Variants in NFAT5 observed in about 807,000 individuals in gnomAD.
NFAT5 encodes nuclear factor of activated T cells 5, also known as nuclear factor of activated T-cells 5.
Under a neutral mutation model 166.5 loss-of-function variants are expected in NFAT5, and 31 were observed. The ratio of observed to expected loss-of-function variants is 0.19; its 90% CI spans 0.14 to 0.25. The LOEUF is 0.25. NFAT5 is among the 10% of genes least tolerant of loss of function. The probability of loss-of-function intolerance (pLI) is 1.00; values close to 1 mark genes in which losing one functional copy is unlikely to be tolerated. For missense variants in NFAT5, 1,449 were observed against 1,821.8 expected, an observed-to-expected ratio of 0.80 and a Z score of 3.72; for synonymous variants, 612 against 639.7, an observed-to-expected ratio of 0.96 and a Z score of 0.65.
In NFAT5 at chr16:69,626,397, C is replaced by A; in HGVS notation, c.128-6C>A. The A allele has an allele frequency of 6.4e-7, 1 of 1,557,126 alleles. No individual in the cohort carries two copies. The highest frequency in any genetic ancestry group is 8.6e-7 in the Non-Finnish European group (1 of 1,157,750). Reference sequence around the variant, plus strand: ...TTGTTTTCTCCTCTCTTTCCCCTCCCCACAGAATCTGTCTATGATCTTCTC... The same window carrying A: ...TTGTTTTCTCCTCTCTTTCCCCTCCACACAGAATCTGTCTATGATCTTCTC... On this transcript the variant is annotated splice_polypyrimidine_tract_variant and splice_region_variant and intron_variant, in intron 2 of 14. Coordinates refer to ENST00000349945, the MANE Select transcript of NFAT5 (RefSeq NM_138713.4).
At chr16:69,567,466 C>T (rs1024648421) in intron 1 of NFAT5, among the ~76,000 whole-genome samples, 1 of 151,776 alleles carries the variant, frequency 6.6e-6, no homozygotes, top group Non-Finnish European at 1.5e-5. Context: ...TTCATTTCAC[C>T]GTGTAAAAAA....
At chr16:69,695,409 A>G in intron 14 of NFAT5, 30 bp downstream of exon 14, 1 of 1,460,832 alleles carries the variant, frequency 6.8e-7, no homozygotes, top group Non-Finnish European at 9.6e-7. Flanking sequence ...TTCTTATTGA[A>G]AAGCATCAGA....
intron 2 of NFAT5, among the ~76,000 whole-genome samples, chr16:69,598,443 T>G (rs1276168959): frequency 2.0e-5 from 3 of 151,446 alleles, no homozygotes; most frequent in African/African-American, 4.9e-5. Context: ...ATACATTTTG[T>G]GCCCAGTGCT....
chr16:69,623,149 G>GA (rs756237605), intron 2 of NFAT5, among the ~76,000 whole-genome samples: 1 of 151,174 alleles, frequency 6.6e-6, no homozygotes, highest in Admixed American at 6.6e-5. Context: ...ACATCTCAAA[G>GA]AAAAAAAATG....
In NFAT5 at chr16:69,616,940, CT is replaced by C. The variant is rs61025944; in HGVS notation, c.128-9445del. The stretch of plus-strand genomic sequence containing the variant: ...TTGGACTCCATCTGAGTCCAAAGTT[CT>C]TTTTTTTTTTTTTTTTTCTTTGAGA... On this transcript the variant is annotated intron_variant, in intron 2 of 14. Transcript: ENST00000349945. Among the ~76,000 whole-genome samples the C allele has an allele frequency of 3.2e-3, 421 of 129,892 alleles. 2 individuals are homozygous for C. The highest frequency in any genetic ancestry group is 7.5e-3 in the African/African-American group (263 of 35,132). 85.2% of individuals were successfully genotyped at this position (129,892 alleles called of 152,430 possible).
Position 69,697,144 on chromosome 16 carries a change from A to G in NFAT5, c.*793A>G, listed in dbSNP as rs1313570740. ...TCCTCCTACAGTAGTTTAAATTGAC[A>G]GAAAAATTTGAATGTTTTCTTCTTA... On this transcript the variant is annotated 3_prime_UTR_variant, in exon 15 of 15. Coordinates refer to ENST00000349945, the MANE Select transcript of NFAT5 (RefSeq NM_138713.4). 6.6e-6 allele frequency: 1 copy of G among 152,656 alleles called. No homozygotes were observed. The highest frequency in any genetic ancestry group is 1.5e-5 in the Non-Finnish European group (1 of 68,042). 9.5% of individuals were successfully genotyped at this position (152,656 alleles called of 1,614,324 possible).
At chr16:69,568,821 C>T (rs1158873976) in intron 2 of NFAT5, among the ~76,000 whole-genome samples, 1 of 152,010 alleles carries the variant, frequency 6.6e-6, no homozygotes, top group Non-Finnish European at 1.5e-5. Context: ...AATTCCAGAC[C>T]TTCATTTTAG....
At chr16:69,610,509 CATA>C (rs1440367016) in intron 2 of NFAT5, among the ~76,000 whole-genome samples, 1 of 152,034 alleles carries the variant, frequency 6.6e-6, no homozygotes, top group Non-Finnish European at 1.5e-5. Context: ...ATGTGCCAGG[CATA>C]ATAATATAGT....
intron 3 of NFAT5, among the ~76,000 whole-genome samples, chr16:69,636,383 G>A (rs1170337198): frequency 1.3e-5 from 2 of 152,112 alleles, no homozygotes; most frequent in African/African-American, 4.8e-5. Context: ...GAAGACATTG[G>A]CCCTCTCCTC....
chr16:69,693,012 T>C lies in NFAT5; in HGVS notation c.3187T>C (p.Leu1063=). The part of the protein sequence containing the change: ...NSGTQQQGNG[L]FQQGNEMMSL... ...TGGTACCCAACAACAAGGTAATGGT[T>C]TATTCCAGCAAGGGAATGAGATGAT... The change falls in exon 13 of 15, where the codon TTA becomes CTA. Residue 1063 remains leucine (L), a synonymous_variant. Coordinates refer to ENST00000349945, the MANE Select transcript of NFAT5 (RefSeq NM_138713.4). 1.2e-6 allele frequency: 2 copies of C among 1,614,144 alleles called. No individual in the cohort carries two copies. Among genetic ancestry groups the C allele is most frequent in the South Asian group, 2.2e-5 (2 of 91,088 alleles).
intron 2 of NFAT5, among the ~76,000 whole-genome samples, chr16:69,598,543 CAGT>C (rs1400431694): frequency 1.3e-5 from 2 of 151,812 alleles, no homozygotes; most frequent in East Asian, 3.8e-4. Context: ...TAAAAATAAA[CAGT>C]AGAAGATAAT....
Position 69,619,164 on chromosome 16 carries a change from A to G in NFAT5, c.128-7239A>G, listed in dbSNP as rs189394894. Among the ~76,000 whole-genome samples, 8 of 152,318 alleles carry G rather than the reference A, an allele frequency of 5.3e-5. No individual in the cohort carries two copies. The East Asian group carries it at 1.5e-3, about 29-fold the overall frequency. On this transcript the variant is annotated intron_variant, in intron 2 of 14. Transcript: ENST00000349945. ...TTTGATTTTTACTCTCTGACCCGAA[A>G]GCAGTTGAACACCAAATGCCAGCTC...
chr16:69,604,749 A>AC (rs2033316393), intron 2 of NFAT5, among the ~76,000 whole-genome samples: 1 of 152,138 alleles, frequency 6.6e-6, no homozygotes, highest in South Asian at 2.1e-4. Context: ...CATGAGCCCA[A>AC]CTTATGGCAT....
At chr16:69,581,677 C>T (rs2031701945) in intron 2 of NFAT5, among the ~76,000 whole-genome samples, 1 of 152,116 alleles carries the variant, frequency 6.6e-6, no homozygotes, top group Non-Finnish European at 1.5e-5. Context: ...GAGTAAATGT[C>T]TCTGATGACT....
At chr16:69,610,784 AT>A (rs1467023347) in intron 2 of NFAT5, among the ~76,000 whole-genome samples, 2 of 152,212 alleles carry the variant, frequency 1.3e-5, no homozygotes, top group Non-Finnish European at 2.9e-5. Flanking sequence ...TTTAGATTAG[AT>A]TAATCCCTTA....
chr16:69,697,228 T>C lies in NFAT5; in HGVS notation c.*877T>C, dbSNP rs1276183770. On this transcript the variant is annotated 3_prime_UTR_variant, in exon 15 of 15. Coordinates refer to ENST00000349945, the MANE Select transcript of NFAT5 (RefSeq NM_138713.4). ...ATATCTATATTACTTTTCACCTCTTTTTCACTTTACTTTAGAGAACTATTA... is the reference window on the plus strand; with the variant it reads ...ATATCTATATTACTTTTCACCTCTTCTTCACTTTACTTTAGAGAACTATTA... The C allele has an allele frequency of 6.6e-6, 1 of 152,496 alleles. No homozygotes were observed. Among genetic ancestry groups the C allele is most frequent in the Admixed American group, 6.6e-5 (1 of 15,266 alleles). The allele number at this position is 152,496 out of a possible 1,614,324, so 9.4% of individuals were successfully genotyped here.
At chr16:69,580,385 G>T (rs541383409) in intron 2 of NFAT5, among the ~76,000 whole-genome samples, 16 of 151,976 alleles carry the variant, frequency 1.1e-4, no homozygotes, top group Middle Eastern at 3.4e-3. Context: ...AAAAAAATTA[G>T]CCAGGCTTGG....
chr16:69,646,617 TC>T, intron 3 of NFAT5: 1 of 825,092 alleles, frequency 1.2e-6, no homozygotes, highest in Non-Finnish European at 1.6e-6. Flanking sequence ...CTAAGCACAG[TC>T]CCACTTTTCA....
chr16:69,614,663 C>T (rs2151561889), intron 2 of NFAT5, among the ~76,000 whole-genome samples: 1 of 152,210 alleles, frequency 6.6e-6, no homozygotes, highest in East Asian at 1.9e-4. Context: ...TATGTAACCA[C>T]AATATAGCTA....
Sources: allele counts gnomAD v4.1 joint callset (sites outside exome capture counted in the v4.1 genomes callset), GRCh38; gene constraint gnomAD v4.1.1; transcripts MANE v1.5; gene names NCBI Gene and HGNC (gene_info 2026-07-23, HGNC 2026-07-21).